The following RYR2 variants were observed in gnomAD, a reference collection of about 807,000 sequenced individuals.
RYR2 encodes cardiac muscle ryanodine receptor-calcium release channel.
RYR2 carries 227 observed loss-of-function variants against 601.1 expected under a neutral mutation model. That is an observed-to-expected ratio of 0.38 (90% CI 0.34 to 0.42). The LOEUF is 0.42. Among genes scored for constraint, RYR2 ranks in the 10% least tolerant of loss-of-function variants. The probability of loss-of-function intolerance (pLI) is 1.00; values close to 1 mark genes in which losing one functional copy is unlikely to be tolerated. For missense variants in RYR2, 4,646 were observed against 6,156.5 expected (o/e 0.75, Z 8.21); for synonymous variants, 2,223 against 2,175.1 (o/e 1.02, Z -0.61).
At chr1:237,607,994 A>G (rs750749373) in intron 35 of RYR2, among the ~76,000 whole-genome samples, 5 of 152,234 alleles carry the variant, frequency 3.3e-5, no homozygotes, top group Admixed American at 6.5e-5. Context: ...TACATACAAT[A>G]TACATACGTA....
chr1:237,777,217 G>A (rs1694737016), intron 87 of RYR2, among the ~76,000 whole-genome samples: 1 of 152,010 alleles, frequency 6.6e-6, no homozygotes, highest in Non-Finnish European at 1.5e-5. Flanking sequence ...CAACCCCTTT[G>A]TATCCTTAGA....
chr1:237,433,329 G>A (rs1037400434), intron 12 of RYR2, among the ~76,000 whole-genome samples: 1 of 107,628 alleles, frequency 9.3e-6, no homozygotes, highest in African/African-American at 3.9e-5. Flanking sequence ...TGAAAAATTA[G>A]AGTAATTGAT....
At chr1:237,697,575 A>G (rs1573566360) in intron 63 of RYR2, among the ~76,000 whole-genome samples, 1 of 146,826 alleles carries the variant, frequency 6.8e-6, no homozygotes, top group Non-Finnish European at 1.5e-5. Flanking sequence ...CTATTATGTT[A>G]TATGCTGATA....
intron 1 of RYR2, among the ~76,000 whole-genome samples, chr1:237,240,681 A>AAAC (rs1553358981): frequency 2.0e-5 from 3 of 148,334 alleles, no homozygotes; most frequent in African/African-American, 5.0e-5. Flanking sequence ...AAAAAAAAAA[A>AAAC]AAAAAAAACA....
intron 48 of RYR2, among the ~76,000 whole-genome samples, chr1:237,646,991 A>AATT (rs1682231694): frequency 6.6e-6 from 1 of 152,218 alleles, no homozygotes; most frequent in Admixed American, 6.5e-5. Flanking sequence ...AGAGCTTAAA[A>AATT]AGCAAAGCAT....
chr1:237,511,904 A>C (rs1381717051), intron 24 of RYR2, 113 bp downstream of exon 24: 2 of 682,558 alleles, frequency 2.9e-6, no homozygotes, highest in Admixed American at 3.0e-5. Context: ...AGTGATTTTT[A>C]ATTCCAGCTA....
intron 1 of RYR2, among the ~76,000 whole-genome samples, chr1:237,043,719 G>T (rs976040968): frequency 2.0e-5 from 3 of 151,726 alleles, no homozygotes; most frequent in African/African-American, 7.3e-5. Context: ...GCTTCTGCTG[G>T]TACTTCTTTC....
chr1:237,456,858 T>A (rs1658894396), intron 16 of RYR2, 123 bp downstream of exon 16: 1 of 1,084,074 alleles, frequency 9.2e-7, no homozygotes, highest in Non-Finnish European at 1.3e-6. Flanking sequence ...GGGAGGATCA[T>A]TTGAGGCCAG....
rs2392694 is a variant in RYR2, at chr1:237,689,699, C to T, written c.9067+2195C>T. On this transcript the variant is annotated intron_variant, in intron 63 of 104. Coordinates refer to ENST00000366574, the MANE Select transcript of RYR2 (RefSeq NM_001035.3). ...GGTATGTTTTCTTTATATCTCAAAG[C>T]GCATTTTTGCACATTTTTATATTAT... Among the ~76,000 whole-genome samples, 1,490 of 152,028 alleles carry T rather than the reference C, an allele frequency of 9.8e-3. 37 individuals are homozygous for T. Among genetic ancestry groups the T allele is most frequent in the East Asian group, 0.056 (289 of 5,174 alleles).
chr1:237,107,288 G>A lies in RYR2; in HGVS notation c.48+64719G>A, dbSNP rs138136218. ...AAAACATTGTAGGTTCTGGGAGGCT[G>A]AGGCGGGCGGATCACGAGGTCAGGA... On this transcript the variant is annotated intron_variant, in intron 1 of 104. Transcript: ENST00000366574. 1.9e-4 allele frequency among the ~76,000 whole-genome samples: 29 copies of A among 151,696 alleles called. No homozygotes were observed. The East Asian group carries it at 3.1e-3, about 16-fold the overall frequency.
chr1:237,487,729 T>C (rs991199632), intron 17 of RYR2, among the ~76,000 whole-genome samples: 2 of 149,840 alleles, frequency 1.3e-5, no homozygotes, highest in African/African-American at 5.0e-5. Flanking sequence ...CAAGATCCTA[T>C]CTCAAAAAAA....
chr1:237,646,812 G>A (rs1682209560), intron 48 of RYR2, among the ~76,000 whole-genome samples: 1 of 152,188 alleles, frequency 6.6e-6, no homozygotes, highest in East Asian at 1.9e-4. Context: ...GCTGGTAATT[G>A]CGGGTGGATG....
At chr1:237,650,760 G>A (rs938674042) in intron 50 of RYR2, among the ~76,000 whole-genome samples, 4 of 152,202 alleles carry the variant, frequency 2.6e-5, no homozygotes, top group African/African-American at 9.6e-5. Flanking sequence ...TGGGGGAAGG[G>A]CAAGTTTTCA....
At chr1:237,425,733 T>TGAGGAG (rs1383805216) in intron 12 of RYR2, among the ~76,000 whole-genome samples, 1 of 151,136 alleles carries the variant, frequency 6.6e-6, no homozygotes, top group South Asian at 2.1e-4. Flanking sequence ...TTGTGTAGGC[T>TGAGGAG]GAGGAGGAGG....
intron 2 of RYR2, among the ~76,000 whole-genome samples, chr1:237,323,584 T>C (rs73127280): frequency 6.6e-6 from 1 of 152,124 alleles, no homozygotes; most frequent in African/African-American, 2.4e-5. Context: ...TATTAAAGGA[T>C]GTTGTATTAT....
chr1:237,585,753 G>A (rs1198103219), intron 29 of RYR2, among the ~76,000 whole-genome samples: 1 of 152,138 alleles, frequency 6.6e-6, no homozygotes, highest in East Asian at 1.9e-4. Flanking sequence ...TTCTACCTGT[G>A]GAGGTACTTG....
chr1:237,655,058 A>G (rs1005630981), intron 52 of RYR2, among the ~76,000 whole-genome samples: 4 of 152,208 alleles, frequency 2.6e-5, no homozygotes, highest in Middle Eastern at 3.2e-3. Context: ...TAGTATAACC[A>G]CTAATTTGCT....
At chr1:237,656,868 A>C (rs1470768908) in intron 53 of RYR2, among the ~76,000 whole-genome samples, 1 of 152,206 alleles carries the variant, frequency 6.6e-6, no homozygotes, top group African/African-American at 2.4e-5. Flanking sequence ...CCTGTGAGAA[A>C]AGACCCTTTC....
At chr1:237,651,961 C>T (rs368334366) in intron 51 of RYR2, among the ~76,000 whole-genome samples, 30 of 152,020 alleles carry the variant, frequency 2.0e-4, no homozygotes, top group Non-Finnish European at 2.9e-4. Context: ...GGCGTGAACC[C>T]GGGAGGTGGA....
Sources: allele counts gnomAD v4.1 joint callset (sites outside exome capture counted in the v4.1 genomes callset), GRCh38; gene constraint gnomAD v4.1.1; transcripts MANE v1.5; gene names NCBI Gene and HGNC (gene_info 2026-07-23, HGNC 2026-07-21).